EVL: variants seen among roughly 807,000 people sequenced by gnomAD.
EVL encodes ena/VASP-like protein.
EVL carries 21 observed loss-of-function variants against 59.6 expected under a neutral mutation model. That is an observed-to-expected ratio of 0.35 (90% CI 0.25 to 0.51). The LOEUF is 0.51. Ranked by LOEUF, EVL falls within the 20% of genes least tolerant of loss-of-function variation. The pLI is 0.97. For missense variants in EVL, 462 were observed against 546.6 expected (o/e 0.85, Z 1.54); for synonymous variants, 198 against 203.5 (o/e 0.97, Z 0.23).
At chr14:100,069,841 T>C (rs970136441) in intron 1 of EVL, among the ~76,000 whole-genome samples, 6 of 152,180 alleles carry the variant, frequency 3.9e-5, no homozygotes, top group African/African-American at 9.7e-5. Flanking sequence ...CTCAGTGTTA[T>C]ACACCAACCA....
chr14:100,133,869 G>A (rs1430426820), intron 8 of EVL, among the ~76,000 whole-genome samples: 2 of 152,166 alleles, frequency 1.3e-5, no homozygotes, highest in African/African-American at 2.4e-5. Context: ...CCTGGGAGGC[G>A]GAGGTTGTAG....
chr14:100,078,145 T>A (rs972518162), intron 1 of EVL, among the ~76,000 whole-genome samples: 1 of 152,348 alleles, frequency 6.6e-6, no homozygotes, highest in African/African-American at 2.4e-5. Flanking sequence ...ACGTTGGTTT[T>A]AAAATCTGTT....
intron 1 of EVL, among the ~76,000 whole-genome samples, chr14:100,020,532 T>C (rs1322911265): frequency 6.6e-6 from 1 of 152,010 alleles, no homozygotes; most frequent in Non-Finnish European, 1.5e-5. Flanking sequence ...TCAAATGCAA[T>C]TTTTGTGCAT....
At chr14:99,975,727 A>G (rs2060765957) in intron 1 of EVL, among the ~76,000 whole-genome samples, 1 of 152,190 alleles carries the variant, frequency 6.6e-6, no homozygotes, top group Non-Finnish European at 1.5e-5. Flanking sequence ...TGCAGGCAGT[A>G]ATGCTCACTC....
At chr14:100,020,881 CAAAG>C (rs561002560) in intron 1 of EVL, among the ~76,000 whole-genome samples, 2 of 152,326 alleles carry the variant, frequency 1.3e-5, no homozygotes, top group African/African-American at 2.4e-5. Flanking sequence ...GGGTTTGCGA[CAAAG>C]AAATTCTTTT....
intron 1 of EVL, among the ~76,000 whole-genome samples, chr14:99,998,243 C>G (rs568417254): frequency 1.3e-5 from 2 of 151,826 alleles, no homozygotes; most frequent in African/African-American, 4.8e-5. Flanking sequence ...TAGTCTCAAA[C>G]GCGGCTCCAG....
intron 1 of EVL, among the ~76,000 whole-genome samples, chr14:100,079,165 G>A (rs1435130092): frequency 6.6e-6 from 1 of 152,232 alleles, no homozygotes; most frequent in Non-Finnish European, 1.5e-5. Context: ...GCCTCGCTTT[G>A]CACAGGAGCC....
chr14:100,137,694 G>A (rs760013987), intron 10 of EVL, 46 bp from the exon 11 acceptor site: 8 of 1,613,814 alleles, frequency 5.0e-6, no homozygotes, highest in African/African-American at 4.0e-5. Flanking sequence ...GGGCAGAGGC[G>A]GGCGCTGGCG....
chr14:100,069,776 C>T (rs1258780223), intron 1 of EVL, among the ~76,000 whole-genome samples: 1 of 152,172 alleles, frequency 6.6e-6, no homozygotes, highest in Non-Finnish European at 1.5e-5. Flanking sequence ...AGTCCAATGG[C>T]TTTGCTTTGG....
chr14:100,143,463 G>A (rs1316641991), intron 13 of EVL, among the ~76,000 whole-genome samples: 6 of 152,160 alleles, frequency 3.9e-5, no homozygotes, highest in South Asian at 2.1e-4. Context: ...CTGTCCCTAC[G>A]CCAGGTCCTC....
intron 11 of EVL, 138 bp from the exon 12 acceptor site, chr14:100,141,042 G>C (rs1006565567): frequency 3.9e-5 from 27 of 694,162 alleles, no homozygotes; most frequent in Non-Finnish European, 5.9e-5. Flanking sequence ...GGCAGTCTGA[G>C]GTGGCCAGAG....
chr14:100,091,774 G>A (rs1366008050), intron 2 of EVL, among the ~76,000 whole-genome samples: 1 of 152,184 alleles, frequency 6.6e-6, no homozygotes, highest in Non-Finnish European at 1.5e-5. Context: ...GGAAGCACAA[G>A]TCACAACCTG....
rs549682095 is a variant in EVL at position 99,972,109 on chromosome 14, G to A, written c.5+52G>A. The A allele has an allele frequency of 1.2e-4, 40 of 320,734 alleles. No individual in the cohort carries two copies. In the South Asian group the frequency reaches 2.3e-3, roughly 19 times the overall value. 19.9% of individuals were successfully genotyped at this position (320,734 alleles called of 1,614,324 possible). The stretch of plus-strand genomic sequence containing the variant: ...AGGTGGCAGCGGCCAGCGTCGGAGG[G>A]GCTGGGCTGGGGGCCCGCGGTGCCC... On this transcript the variant is annotated intron_variant, in intron 1 of 13. Transcript: ENST00000402714. The surrounding 1 kb of genome is among the most constrained non-coding windows in gnomAD (Gnocchi z 4.4).
chr14:100,034,514 T>C (rs2061359942), intron 1 of EVL, among the ~76,000 whole-genome samples: 2 of 151,958 alleles, frequency 1.3e-5, no homozygotes, highest in Non-Finnish European at 1.5e-5. Context: ...CTTTGGAAGG[T>C]TGAAGTGGGA....
chr14:100,023,819 A>C (rs1302786869), intron 1 of EVL, among the ~76,000 whole-genome samples: 1 of 152,192 alleles, frequency 6.6e-6, no homozygotes, highest in Admixed American at 6.5e-5. Context: ...TGAAAGTTTT[A>C]AATAAACATT....
At chr14:100,098,312 G>A (rs1476738211) in intron 3 of EVL, among the ~76,000 whole-genome samples, 1 of 152,238 alleles carries the variant, frequency 6.6e-6, no homozygotes, top group Non-Finnish European at 1.5e-5. Context: ...CAGTTCACAG[G>A]CAGAGGCAGG....
upstream of EVL, among the ~76,000 whole-genome samples, chr14:100,062,867 A>G (rs1416848426): frequency 6.6e-6 from 1 of 152,144 alleles, no homozygotes; most frequent in Non-Finnish European, 1.5e-5. Context: ...CCAAGGCAGG[A>G]GGATCACTTG....
intron 1 of EVL, among the ~76,000 whole-genome samples, chr14:100,066,230 A>C (rs899743882): frequency 6.6e-6 from 1 of 152,310 alleles, no homozygotes; most frequent in Admixed American, 6.5e-5. Flanking sequence ...TAAAGTAACA[A>C]TCCCTCACTT....
intron 1 of EVL, among the ~76,000 whole-genome samples, chr14:100,013,247 T>C (rs1042770439): frequency 6.6e-6 from 1 of 152,230 alleles, no homozygotes; most frequent in African/African-American, 2.4e-5. Context: ...AGACAATGTG[T>C]GAACATTTTA....
Sources: gnomAD v4.1 joint callset for allele counts (sites outside exome capture counted in the v4.1 genomes callset) on GRCh38, gnomAD v4.1.1 for gene constraint, Gnocchi (gnomAD v3.1) non-coding constraint, MANE v1.5 for transcripts, NCBI Gene and HGNC (gene_info 2026-07-23, HGNC 2026-07-21) for gene names.